Variants in LGI4 observed in about 807,000 individuals in gnomAD.
LGI4 encodes the protein leucine-rich repeat LGI family member 4.
A neutral mutation model predicts 48.3 loss-of-function variants in LGI4; 36 were observed. That is an observed-to-expected ratio of 0.75 (90% CI 0.57 to 0.98). LGI4 has a LOEUF of 0.98. LGI4 is among the 50% of genes least tolerant of loss of function. LGI4 has a pLI of 0.00. For synonymous variants in LGI4, 355 were observed against 331.6 expected, an observed-to-expected ratio of 1.07 and a Z score of -0.77; for missense variants, 701 against 732.1, an observed-to-expected ratio of 0.96 and a Z score of 0.49.
chr19:35,129,608 A>G (rs1177662724), intron 6 of LGI4, among the ~76,000 whole-genome samples: 1 of 152,182 alleles, frequency 6.6e-6, no homozygotes, highest in Non-Finnish European at 1.5e-5. Flanking sequence ...AGTCATTGCC[A>G]TTCTCCATTC....
chr19:35,133,360 C>G lies in LGI4; in HGVS notation c.314+333G>C. 1.7e-6 allele frequency: 2 copies of G among 1,149,246 alleles called. 1 individual carries two copies. Among genetic ancestry groups the G allele is most frequent in the East Asian group, 1.2e-4 (2 of 16,026 alleles). 71.2% of individuals were successfully genotyped at this position (1,149,246 alleles called of 1,614,324 possible). A position where few individuals can be genotyped will look rare whatever the true frequency, so the allele number is the denominator to read the frequency against. On this transcript the variant is annotated intron_variant, in intron 3 of 8. Coordinates refer to ENST00000310123, the MANE Select transcript of LGI4 (RefSeq NM_139284.3). ...CCTGGTCATTTGAAACGTTTCTTGTCTCTGACTTCTGTACACCCTTCCTGG... is the reference window on the plus strand; with the variant it reads ...CCTGGTCATTTGAAACGTTTCTTGTGTCTGACTTCTGTACACCCTTCCTGG...
rs748017557 is a variant in LGI4 at position 35,131,519 on chromosome 19, G to T, written c.495C>A (p.Arg165=). The T allele has an allele frequency of 6.4e-7, 1 of 1,551,270 alleles. No homozygotes were observed. The highest frequency in any genetic ancestry group is 8.7e-7 in the Non-Finnish European group (1 of 1,146,910). The stretch of plus-strand genomic sequence containing the variant: ...GCATCCACTGCAGGAGCCAGAGGAC[G>T]CGGCAGTCACACTGGAACGGGTTCC... ...LRGNPFQCDC[R]VLWLLQWMPT... Residue 165 remains arginine, a synonymous_variant, in exon 6 of 9, where the codon CGC becomes CGA. Transcript: ENST00000310123.
chr19:35,126,128 G>A (rs778366432), intron 8 of LGI4, 142 bp downstream of exon 8: 40 of 894,462 alleles, frequency 4.5e-5, no homozygotes, highest in Non-Finnish European at 4.0e-5. Flanking sequence ...AGCCTTGAGG[G>A]GGTCAGAGTC....
intron 6 of LGI4, chr19:35,131,175 A>C (rs2065171562): frequency 1.5e-6 from 1 of 674,180 alleles, no homozygotes; most frequent in East Asian, 2.7e-5. Flanking sequence ...ACACGTGAAG[A>C]TGTATCATTG....
At position 35,125,083 on chromosome 19, in the gene LGI4, G is replaced by A. The variant is rs2065121359; in HGVS notation, c.*110C>T. On this transcript the variant is annotated 3_prime_UTR_variant, in exon 9 of 9. Coordinates refer to ENST00000310123, the MANE Select transcript of LGI4 (RefSeq NM_139284.3). The stretch of plus-strand genomic sequence containing the variant: ...AGGCCTAGACGTGTGGCTGATGAAC[G>A]TGGCCCACGGTCAGCAGCTCACAGG... 10 of 888,474 alleles carry A rather than the reference G, an allele frequency of 1.1e-5. No homozygotes were observed. The highest frequency in any genetic ancestry group is 2.8e-5 in the Admixed American group (1 of 35,312). The allele number at this position is 888,474 out of a possible 1,614,324, so 55.0% of individuals were successfully genotyped here.
At chr19:35,133,666 C>T (rs2065190081) in intron 3 of LGI4, 27 bp downstream of exon 3, 2 of 1,576,436 alleles carry the variant, frequency 1.3e-6, no homozygotes, top group Non-Finnish European at 8.6e-7. Context: ...CCAGACCCAC[C>T]TGCCTCCATC....
intron 2 of LGI4, 111 bp downstream of exon 2, chr19:35,133,920 CCA>C (rs757204937): frequency 3.3e-4 from 427 of 1,289,470 alleles, no homozygotes; most frequent in Non-Finnish European, 4.1e-4. Flanking sequence ...GCATACACCC[CCA>C]CACACGTGCA....
chr19:35,126,415 T>C lies in LGI4; in HGVS notation c.1154A>G (p.Gln385Arg), dbSNP rs1468639768. Residue 385 changes from glutamine (Q) to arginine (R), a missense_variant, in exon 8 of 9, where the codon CAG becomes CGG. Coordinates refer to ENST00000310123, the MANE Select transcript of LGI4 (RefSeq NM_139284.3). ...RPHLLLASASQRPVLFHWTGG... is the reference protein window; with the variant it reads ...RPHLLLASASRRPVLFHWTGG... ...GGTCCAGTGGAAGAGCACGGGCCGC[T>C]GGGAAGCCGAGGCCAGCAGCAGGTG... The C allele has an allele frequency of 1.2e-6, 2 of 1,606,960 alleles. No homozygotes were observed. The highest frequency in any genetic ancestry group is 1.3e-5 in the African/African-American group (1 of 74,984).
At chr19:35,128,430 C>A (rs558385618) in intron 6 of LGI4, among the ~76,000 whole-genome samples, 1 of 152,202 alleles carries the variant, frequency 6.6e-6, no homozygotes, top group Non-Finnish European at 1.5e-5. Context: ...AACTCTCAGC[C>A]GAGAGTGGTG....
Position 35,134,041 on chromosome 19 carries a change from C to A in LGI4, c.234G>T (p.Leu78=). The change falls in exon 2 of 9, where the codon CTG becomes CTT. Residue 78 remains leucine (L), a synonymous_variant. Transcript: ENST00000310123. The part of the protein sequence containing the change: ...KAGSFLRIPS[L]HLLLFTSNSF... ...AGCCAGGCCCCACTCACAGCAGGTG[C>A]AGAGACGGAATTCTCAGGAAGCTGC... is the stretch of plus-strand genomic sequence containing the variant. The A allele has an allele frequency of 6.4e-7, 1 of 1,561,314 alleles. No homozygotes were observed. The highest frequency in any genetic ancestry group is 8.7e-7 in the Non-Finnish European group (1 of 1,152,142).
chr19:35,125,061 C>T lies in LGI4; in HGVS notation c.*132G>A. The T allele has an allele frequency of 1.4e-6, 1 of 722,114 alleles. No individual in the cohort carries two copies. The highest frequency in any genetic ancestry group is 2.2e-6 in the Non-Finnish European group (1 of 461,622). The allele number at this position is 722,114 out of a possible 1,614,324, so 44.7% of individuals were successfully genotyped here. A position where few individuals can be genotyped will look rare whatever the true frequency, so the allele number is the denominator to read the frequency against. On this transcript the variant is annotated 3_prime_UTR_variant, in exon 9 of 9. Coordinates refer to ENST00000310123, the MANE Select transcript of LGI4 (RefSeq NM_139284.3). ...GATCCTTTAAGAAGTGGGCTTAAGG[C>T]CTAGACGTGTGGCTGATGAACGTGG... is the stretch of plus-strand genomic sequence containing the variant.
At chr19:35,130,887 C>T (rs561827022) in intron 6 of LGI4, among the ~76,000 whole-genome samples, 37 of 152,324 alleles carry the variant, frequency 2.4e-4, no homozygotes, top group African/African-American at 8.9e-4. Context: ...CTGGGCTGTC[C>T]TGTCTGGGCC....
chr19:35,134,090 G>A lies in LGI4; in HGVS notation c.185C>T (p.Thr62Met), dbSNP rs35849647. The change falls in exon 2 of 9, where the codon ACG becomes ATG. Residue 62 changes from threonine (T) to methionine (M), a missense_variant. Coordinates refer to ENST00000310123, the MANE Select transcript of LGI4 (RefSeq NM_139284.3). ...PTLLSLSLVRTGVTQLKAGSF... is the reference protein window; with the variant it reads ...PTLLSLSLVRMGVTQLKAGSF... ...GCCGGCCTTCAGCTGGGTGACTCCC[G>A]TCCTGACGAGTGAGCTGGGGATGTG... 6.5e-3 allele frequency: 10,112 copies of A among 1,565,046 alleles called. 515 individuals are homozygous for A. The African/African-American group carries it at 0.11, about 17-fold the overall frequency.
intron 3 of LGI4, 167 bp downstream of exon 3, chr19:35,133,526 A>G: frequency 1.4e-6 from 2 of 1,453,432 alleles, no homozygotes; most frequent in Non-Finnish European, 1.8e-6. Flanking sequence ...AGTATCACCC[A>G]AAGCATCATC....
rs373763429 is a variant in LGI4, at chr19:35,128,793, A to G, written c.629-1776T>C. Among the ~76,000 whole-genome samples, 78 of 152,240 alleles carry G rather than the reference A, an allele frequency of 5.1e-4. 1 individual carries two copies. In the South Asian group the frequency reaches 6.8e-3, roughly 13 times the overall value. ...GTCTCCTCTCCTCTCTGTGGCTTCC[A>G]AAATCCATACCTGTCCCTCCACTCA... On this transcript the variant is annotated intron_variant, in intron 6 of 8. Transcript: ENST00000310123.
chr19:35,131,628 C>G, intron 5 of LGI4, 73 bp from the exon 6 acceptor site: 1 of 1,507,718 alleles, frequency 6.6e-7, no homozygotes, highest in Non-Finnish European at 8.9e-7. Context: ...GCCCCCACCT[C>G]AGGCAAGTGT....
In LGI4 at chr19:35,124,981, G is replaced by A; in HGVS notation, c.*212C>T. On this transcript the variant is annotated 3_prime_UTR_variant, in exon 9 of 9. Coordinates refer to ENST00000310123, the MANE Select transcript of LGI4 (RefSeq NM_139284.3). ...GTCCAGATGTTGCTTTAGACCTGAA[G>A]GGCAGCTCGGGAGGTCCAGTAGGCT... The A allele has an allele frequency of 9.4e-6, 4 of 424,016 alleles. No homozygotes were observed. The highest frequency in any genetic ancestry group is 1.2e-5 in the Non-Finnish European group (3 of 241,310). 26.3% of individuals were successfully genotyped at this position (424,016 alleles called of 1,614,324 possible). A position where few individuals can be genotyped will look rare whatever the true frequency, so the allele number is the denominator to read the frequency against.
At chr19:35,130,865 G>T (rs1394428073) in intron 6 of LGI4, among the ~76,000 whole-genome samples, 1 of 152,142 alleles carries the variant, frequency 6.6e-6, no homozygotes, top group Non-Finnish European at 1.5e-5. Flanking sequence ...TCCCCATCCT[G>T]CCCAGATCGT....
intron 3 of LGI4, among the ~76,000 whole-genome samples, chr19:35,132,538 C>CTG (rs200516789): frequency 0.032 from 4,943 of 152,174 alleles, 280 homozygotes; most frequent in African/African-American, 0.11. Context: ...ACACCCATGT[C>CTG]TGTTACCATC....
Sources: gnomAD v4.1 joint callset for allele counts (sites outside exome capture counted in the v4.1 genomes callset) on GRCh38, gnomAD v4.1.1 for gene constraint, MANE v1.5 for transcripts, NCBI Gene and HGNC (gene_info 2026-07-23, HGNC 2026-07-21) for gene names.